CIMAP3: variants seen among roughly 807,000 people sequenced by gnomAD.
The protein encoded by CIMAP3 is ciliary microtubule-associated protein 3.
At chr1:111,349,990 C>T in the CIMAP3 span, 1 of 696,762 alleles carries the variant, frequency 1.4e-6, no homozygotes, top group Non-Finnish European at 2.5e-6. Flanking sequence ...AAAAGCTAAT[C>T]AATCTGTTGC....
At chr1:111,331,206 A>C in the CIMAP3 span, among the ~76,000 whole-genome samples, 1 of 152,160 alleles carries the variant, frequency 6.6e-6, no homozygotes, top group African/African-American at 2.4e-5. Flanking sequence ...GGTGGAATCA[A>C]TTTAGCATTC....
At chr1:111,352,108 A>T in the CIMAP3 span, 3 of 120,144 alleles carry the variant, frequency 2.5e-5, no homozygotes, top group Non-Finnish European at 5.7e-5. Context: ...AGATCATAAC[A>T]TTTATAGCCC....
At chr1:111,333,026 C>G in the CIMAP3 span, among the ~76,000 whole-genome samples, 3 of 152,234 alleles carry the variant, frequency 2.0e-5, no homozygotes, top group African/African-American at 7.2e-5. Context: ...AGTAGGGCAT[C>G]TCAGGGCTGT....
At chr1:111,333,854 G>A in the CIMAP3 span, among the ~76,000 whole-genome samples, 1 of 152,166 alleles carries the variant, frequency 6.6e-6, no homozygotes, top group African/African-American at 2.4e-5. Flanking sequence ...TCTGCAATCA[G>A]CCCTCTTGCT....
chr1:111,345,263 T>C, the CIMAP3 span, among the ~76,000 whole-genome samples: 15 of 152,266 alleles, frequency 9.9e-5, no homozygotes, highest in Non-Finnish European at 1.8e-4. Context: ...GAGTAAATTA[T>C]ACAATAATTT....
At chr1:111,346,637 G>T in the CIMAP3 span, 114 of 1,614,086 alleles carry the variant, frequency 7.1e-5, no homozygotes, top group Non-Finnish European at 2.2e-5. Flanking sequence ...ACAAGTGCTA[G>T]CCCTAGCAGC....
the CIMAP3 span, among the ~76,000 whole-genome samples, chr1:111,335,960 G>A: frequency 0.021 from 3,203 of 152,326 alleles, 138 homozygotes; most frequent in African/African-American, 0.073. Context: ...CCCAGTAGGG[G>A]CAGACTGACA....
the CIMAP3 span, among the ~76,000 whole-genome samples, chr1:111,341,589 C>A: frequency 6.6e-6 from 1 of 152,104 alleles, no homozygotes; most frequent in Non-Finnish European, 1.5e-5. Flanking sequence ...GGGGAGATAA[C>A]AATTTTTACT....
chr1:111,329,379 G>C, the CIMAP3 span, among the ~76,000 whole-genome samples: 1 of 151,734 alleles, frequency 6.6e-6, no homozygotes, highest in African/African-American at 2.4e-5. Context: ...TCCTGAATTT[G>C]ACTGTTGGCC....
At chr1:111,340,622 G>C in the CIMAP3 span, among the ~76,000 whole-genome samples, 1 of 152,114 alleles carries the variant, frequency 6.6e-6, no homozygotes, top group African/African-American at 2.4e-5. Flanking sequence ...ACCATCACTG[G>C]CCATCAGAGA....
chr1:111,348,650 T>C, the CIMAP3 span: 1 of 1,579,534 alleles, frequency 6.3e-7, no homozygotes, highest in Non-Finnish European at 8.6e-7. Context: ...ATCCCAGGTA[T>C]GTCTCCTCCC....
At chr1:111,340,313 A>G in the CIMAP3 span, among the ~76,000 whole-genome samples, 6 of 141,670 alleles carry the variant, frequency 4.2e-5, no homozygotes. Context: ...CTTCATGTCT[A>G]AAACACCAAA....
the CIMAP3 span, chr1:111,349,707 T>C: frequency 6.3e-6 from 1 of 157,608 alleles, no homozygotes; most frequent in Admixed American, 6.2e-5. Context: ...TTTGCTTTGC[T>C]TTGCCTACAT....
At chr1:111,346,117 C>G in the CIMAP3 span, among the ~76,000 whole-genome samples, 1 of 152,192 alleles carries the variant, frequency 6.6e-6, no homozygotes, top group African/African-American at 2.4e-5. Context: ...CCCCACGGCC[C>G]CCCGGGATAG....
the CIMAP3 span, among the ~76,000 whole-genome samples, chr1:111,350,986 A>T: frequency 2.5e-4 from 38 of 152,244 alleles, no homozygotes; most frequent in Non-Finnish European, 1.0e-4. Flanking sequence ...TCAAGAATTA[A>T]ACATATAGTC....
the CIMAP3 span, chr1:111,347,554 G>A: frequency 1.6e-6 from 1 of 635,302 alleles, no homozygotes; most frequent in East Asian, 2.7e-5. Flanking sequence ...AGGTTCAGAT[G>A]GGAACACACT....
At chr1:111,346,983 G>C in the CIMAP3 span, 1 of 1,613,984 alleles carries the variant, frequency 6.2e-7, no homozygotes, top group Non-Finnish European at 8.5e-7. Flanking sequence ...CCCCGAATTT[G>C]ATTGGGAACA....
chr1:111,348,361 A>T, the CIMAP3 span: 1 of 705,158 alleles, frequency 1.4e-6, no homozygotes, highest in Non-Finnish European at 2.2e-6. Flanking sequence ...TCGGTTTTCT[A>T]CCTACCGAAG....
the CIMAP3 span, among the ~76,000 whole-genome samples, chr1:111,336,492 G>A: frequency 6.6e-6 from 1 of 152,168 alleles, no homozygotes; most frequent in Non-Finnish European, 1.5e-5. Flanking sequence ...CCAATACAGA[G>A]AAGTGCTTAA....
Sources: gnomAD v4.1 joint callset for allele counts (sites outside exome capture counted in the v4.1 genomes callset) on GRCh38, gnomAD v4.1.1 for gene constraint, MANE v1.5 for transcripts, NCBI Gene and HGNC (gene_info 2026-07-23, HGNC 2026-07-21) for gene names.